The following SH3RF2 variants were observed in gnomAD, a reference collection of about 807,000 sequenced individuals.
The protein encoded by SH3RF2 is E3 ubiquitin-protein ligase SH3RF2.
In SH3RF2, 43 loss-of-function variants were observed where a neutral mutation model predicts 59.0. The observed-to-expected ratio is 0.73, with a 90% CI of 0.57 to 0.94. The LOEUF is 0.94. SH3RF2 is among the 40% of genes least tolerant of loss of function. The probability of loss-of-function intolerance (pLI) is 0.00; values close to 1 mark genes in which losing one functional copy is unlikely to be tolerated. For synonymous variants in SH3RF2, 391 were observed against 391.5 expected, an observed-to-expected ratio of 1.00 and a Z score of 0.01; for missense variants, 930 against 940.1, an observed-to-expected ratio of 0.99 and a Z score of 0.14.
intron 2 of SH3RF2, among the ~76,000 whole-genome samples, chr5:145,950,665 G>C (rs887311701): frequency 2.0e-5 from 3 of 151,358 alleles, no homozygotes; most frequent in African/African-American, 7.3e-5. Flanking sequence ...AGGGAGGGAA[G>C]CCAATCAGAA....
At position 145,938,172 on chromosome 5, in the gene SH3RF2, T is replaced by A; in HGVS notation, c.244T>A (p.Ser82Thr). 6.2e-7 allele frequency: 1 copy of A among 1,614,050 alleles called. No homozygotes were observed. Among genetic ancestry groups the A allele is most frequent in the Non-Finnish European group, 8.5e-7 (1 of 1,179,998 alleles). ...LLDGVRSGQS[S>T]GRGGSFRRPG... ...GGATGGAGTGCGCTCAGGGCAGAGC[T>A]CCGGGAGAGGGGGCTCCTTCCGCAG... is the stretch of plus-strand genomic sequence containing the variant. Residue 82 changes from serine to threonine, a missense_variant, in exon 2 of 10, where the codon TCC becomes ACC. Coordinates refer to ENST00000359120, the MANE Select transcript of SH3RF2 (RefSeq NM_152550.4).
rs150804419 is a variant in SH3RF2 at position 146,041,304 on chromosome 5, G to A, written c.1060-6468G>A. On this transcript the variant is annotated intron_variant, in intron 5 of 9. Coordinates refer to ENST00000359120, the MANE Select transcript of SH3RF2 (RefSeq NM_152550.4). ...CTCCCAGAGCGTCCTGATCTTCCCCGACCCCAACACGCTCAGGCTTACACA... is the reference window on the plus strand; with the variant it reads ...CTCCCAGAGCGTCCTGATCTTCCCCAACCCCAACACGCTCAGGCTTACACA... 1.9e-3 allele frequency among the ~76,000 whole-genome samples: 282 copies of A among 152,074 alleles called. 1 individual carries two copies. The highest frequency in any genetic ancestry group is 6.5e-3 in the African/African-American group (268 of 41,500).
In SH3RF2 at chr5:146,061,718, T is replaced by C. The variant is rs576724071; in HGVS notation, c.1915-708T>C. 3.2e-4 allele frequency among the ~76,000 whole-genome samples: 48 copies of C among 152,194 alleles called. No homozygotes were observed. The South Asian group carries it at 7.3e-3, about 23-fold the overall frequency. On this transcript the variant is annotated intron_variant, in intron 9 of 9. Coordinates refer to ENST00000359120, the MANE Select transcript of SH3RF2 (RefSeq NM_152550.4). The stretch of plus-strand genomic sequence containing the variant: ...TGAAAGGAAAGAGGAAGAGGGGGAA[T>C]TGGCATAAACTGGAGACCTTGCATC...
chr5:146,070,816 A>G (rs1763217801), intron 9 of SH3RF2, among the ~76,000 whole-genome samples: 1 of 152,190 alleles, frequency 6.6e-6, no homozygotes, highest in African/African-American at 2.4e-5. Context: ...TAATTAGGCA[A>G]ATGGGGTCAC....
chr5:146,063,847 G>A (rs961042807), downstream of SH3RF2, among the ~76,000 whole-genome samples: 2 of 151,886 alleles, frequency 1.3e-5, no homozygotes, highest in African/African-American at 4.9e-5. Flanking sequence ...GTGACAGAGT[G>A]AGATTCTGTC....
chr5:145,968,464 T>A (rs1758949488), intron 2 of SH3RF2, among the ~76,000 whole-genome samples: 1 of 152,202 alleles, frequency 6.6e-6, no homozygotes, highest in African/African-American at 2.4e-5. Context: ...ATATTTTTGT[T>A]AACAATTATG....
chr5:145,997,325 C>G (rs1176633192), intron 2 of SH3RF2: 1 of 1,117,522 alleles, frequency 8.9e-7, no homozygotes, highest in Non-Finnish European at 1.4e-6. Context: ...CAGAGCAGCT[C>G]CCCGTATATA....
chr5:146,000,861 C>T (rs576217409), intron 3 of SH3RF2, among the ~76,000 whole-genome samples: 128 of 152,252 alleles, frequency 8.4e-4, no homozygotes, highest in Middle Eastern at 3.4e-3. Context: ...TGGGAAGCAC[C>T]GATACATGGA....
At chr5:145,975,614 T>C (rs183727590) in intron 2 of SH3RF2, among the ~76,000 whole-genome samples, 3 of 152,264 alleles carry the variant, frequency 2.0e-5, no homozygotes, top group East Asian at 1.9e-4. Context: ...CTTTCCAGAG[T>C]GGGAGATGAG....
At chr5:145,992,967 G>A (rs1426870221) in intron 2 of SH3RF2, among the ~76,000 whole-genome samples, 1 of 152,098 alleles carries the variant, frequency 6.6e-6, no homozygotes, top group East Asian at 1.9e-4. Flanking sequence ...TCCAAGACAA[G>A]GCAAGTCCCT....
chr5:146,024,309 G>C (rs1179801030), intron 5 of SH3RF2, among the ~76,000 whole-genome samples: 1 of 152,144 alleles, frequency 6.6e-6, no homozygotes, highest in East Asian at 1.9e-4. Context: ...TTGTGGTTTT[G>C]ATTTGCATTT....
chr5:146,069,915 C>G (rs550960304), intron 9 of SH3RF2, among the ~76,000 whole-genome samples: 2 of 150,336 alleles, frequency 1.3e-5, no homozygotes, highest in East Asian at 4.0e-4. Context: ...GATCAGAAAA[C>G]TGAGACTCAG....
chr5:145,993,003 A>C (rs978488029), intron 2 of SH3RF2, among the ~76,000 whole-genome samples: 3 of 152,132 alleles, frequency 2.0e-5, no homozygotes, highest in Non-Finnish European at 4.4e-5. Context: ...GTAAAATCAA[A>C]AGCAGGTTAG....
chr5:146,037,993 G>T (rs979367388), intron 5 of SH3RF2, among the ~76,000 whole-genome samples: 1 of 152,084 alleles, frequency 6.6e-6, no homozygotes. Flanking sequence ...ATCAAGTTGG[G>T]TTTTTCTCCA....
At chr5:145,957,332 G>T (rs1008294532) in intron 2 of SH3RF2, among the ~76,000 whole-genome samples, 2 of 152,136 alleles carry the variant, frequency 1.3e-5, no homozygotes, top group African/African-American at 4.8e-5. Context: ...GACAGTAGAA[G>T]ACCAATTCTG....
At chr5:145,943,613 A>C (rs914575616) in intron 2 of SH3RF2, among the ~76,000 whole-genome samples, 2 of 152,182 alleles carry the variant, frequency 1.3e-5, no homozygotes, top group African/African-American at 4.8e-5. Context: ...GAAAAACTTC[A>C]CTATCACTTA....
At chr5:145,996,424 T>A (rs536896207) in intron 2 of SH3RF2, among the ~76,000 whole-genome samples, 1 of 152,322 alleles carries the variant, frequency 6.6e-6, no homozygotes, top group African/African-American at 2.4e-5. Context: ...TGAGGCCATT[T>A]CTATGTGAAA....
At chr5:145,983,332 C>T (rs953643732) in intron 2 of SH3RF2, among the ~76,000 whole-genome samples, 5 of 150,106 alleles carry the variant, frequency 3.3e-5, no homozygotes, top group Non-Finnish European at 7.4e-5. Flanking sequence ...AGGGTGAAAG[C>T]AATGAGAAGA....
chr5:145,974,278 T>C (rs950388550), intron 2 of SH3RF2, among the ~76,000 whole-genome samples: 43 of 152,296 alleles, frequency 2.8e-4, no homozygotes, highest in African/African-American at 9.9e-4. Flanking sequence ...TTATATAACA[T>C]GAATTAATCA....
Sources: gnomAD v4.1 joint callset for allele counts (sites outside exome capture counted in the v4.1 genomes callset) on GRCh38, gnomAD v4.1.1 for gene constraint, MANE v1.5 for transcripts, NCBI Gene and HGNC (gene_info 2026-07-23, HGNC 2026-07-21) for gene names.